The following FANCD2 variants were observed in gnomAD, a reference collection of about 807,000 sequenced individuals.
The protein encoded by FANCD2 is Fanconi anemia group D2 protein.
In FANCD2, 131 loss-of-function variants were observed where a neutral mutation model predicts 192.3. The ratio of observed to expected loss-of-function variants is 0.68; its 90% confidence interval spans 0.59 to 0.79. The LOEUF is 0.79. FANCD2 is among the 30% of genes least tolerant of loss of function. The probability of loss-of-function intolerance (pLI) is 0.00; values close to 1 mark genes in which losing one functional copy is unlikely to be tolerated. For synonymous variants in FANCD2, 524 were observed against 612.5 expected, an observed-to-expected ratio of 0.86 and a Z score of 2.13; for missense variants, 1,508 against 1,701.6, an observed-to-expected ratio of 0.89 and a Z score of 2.00.
At chr3:10,051,413 AGGAGTG>A (rs1296041465) in intron 17 of FANCD2, among the ~76,000 whole-genome samples, 2 of 36,358 alleles carry the variant, frequency 5.5e-5, no homozygotes, top group African/African-American at 3.7e-4. Flanking sequence ...AAAAACAAAA[AGGAGTG>A]AGGGATTTAT....
rs1202902229 is a variant in FANCD2 at position 10,043,498 on chromosome 3, A to G, written c.1004A>G (p.Gln335Arg). Residue 335 changes from glutamine (Q) to arginine (R), a missense_variant, in exon 13 of 44, where the codon CAA becomes CGA. This residue lies in a region of FANCD2 where 435 missense variants were observed against 421.9 expected (regional missense o/e 1.03). Coordinates refer to ENST00000675286, the MANE Select transcript of FANCD2 (RefSeq NM_001018115.3). ...GCTACTTGTAGTTCCTCAGGAAATC[A>G]AGAAAGCAGCGGTCAGAGCTGTATT... The part of the protein sequence containing the change: ...SKGRASSSGN[Q>R]ESSGQSCIIL... 1 of 1,613,574 alleles carries G rather than the reference A, an allele frequency of 6.2e-7. No individual in the cohort carries two copies. Among genetic ancestry groups the G allele is most frequent in the African/African-American group, 1.3e-5 (1 of 74,918 alleles).
At chr3:10,082,980 A>G (rs959848329) in intron 32 of FANCD2, among the ~76,000 whole-genome samples, 5 of 152,140 alleles carry the variant, frequency 3.3e-5, no homozygotes, top group African/African-American at 9.7e-5. Flanking sequence ...TAATCCCAAC[A>G]CTTTGGGAGG....
At chr3:10,050,413 A>T (rs530364306) in intron 17 of FANCD2, among the ~76,000 whole-genome samples, 11 of 151,056 alleles carry the variant, frequency 7.3e-5, no homozygotes, top group Non-Finnish European at 1.0e-4. Flanking sequence ...TCACGAGGTC[A>T]GGAGATCAAG....
chr3:10,046,122 C>T (rs1412744579), intron 14 of FANCD2, among the ~76,000 whole-genome samples: 8 of 145,272 alleles, frequency 5.5e-5, no homozygotes, highest in African/African-American at 8.0e-5. Flanking sequence ...GGCGCGATCT[C>T]GGCTCACTGT....
rs768907834 is a variant in FANCD2 at position 10,073,319 on chromosome 3, C to G, written c.2672C>G (p.Ser891Ter). The change falls in exon 28 of 44, where the codon TCA becomes TGA. Residue 891 changes from serine (S) to a stop codon, truncating the protein, a stop_gained. Transcript: ENST00000675286. LOFTEE classifies it high-confidence loss of function. ...SSDTLSEEKN[S>*]ECDPTPSHRG... ...GACACACTTTCAGAAGAGAAAAATT[C>G]AGAATGTGACCCTACGCCATCTCAT... 1 of 1,613,916 alleles carries G rather than the reference C, an allele frequency of 6.2e-7. No homozygotes were observed. The highest frequency in any genetic ancestry group is 8.5e-7 in the Non-Finnish European group (1 of 1,179,852).
chr3:10,061,099 A>T (rs1395687626), intron 19 of FANCD2, among the ~76,000 whole-genome samples: 1 of 152,154 alleles, frequency 6.6e-6, no homozygotes, highest in Non-Finnish European at 1.5e-5. Context: ...ATCACCAGAC[A>T]CCTGCAAGTT....
At chr3:10,057,576 G>C (rs2087450628) in intron 18 of FANCD2, among the ~76,000 whole-genome samples, 1 of 152,016 alleles carries the variant, frequency 6.6e-6, no homozygotes, top group Admixed American at 6.6e-5. Context: ...TGTTGGCCAG[G>C]ATGATCTCAA....
At chr3:10,039,528 A>C (rs955567428) in intron 8 of FANCD2, among the ~76,000 whole-genome samples, 171 bp downstream of exon 8, 5 of 152,212 alleles carry the variant, frequency 3.3e-5, no homozygotes, top group Non-Finnish European at 7.3e-5. Flanking sequence ...TTTAAATTTC[A>C]GAAAAGTTTA....
At chr3:10,035,070 C>T in intron 5 of FANCD2, 103 bp from the exon 6 acceptor site, 1 of 950,406 alleles carries the variant, frequency 1.1e-6, no homozygotes, top group Non-Finnish European at 1.6e-6. Context: ...AGGGTAGTTC[C>T]TCTTTAAATA....
rs1489879580 is a variant in FANCD2 at position 10,072,960 on chromosome 3, A to C, written c.2584A>C (p.Ile862Leu). 2 of 1,597,066 alleles carry C rather than the reference A, an allele frequency of 1.3e-6. No homozygotes were observed. Among genetic ancestry groups the C allele is most frequent in the Admixed American group, 3.3e-5 (2 of 59,994 alleles). Reference protein sequence around the residue: ...PHTVTAISAKIRKKGKIERKQ... With the variant: ...PHTVTAISAKLRKKGKIERKQ... ...TACTGTTACTGCTATTTCAGCAAAA[A>C]TCAGAAAGAAAGGAAAAATAGGTAA... The change falls in exon 27 of 44, where the codon ATC becomes CTC. Residue 862 changes from isoleucine to leucine, a missense_variant. Coordinates refer to ENST00000675286, the MANE Select transcript of FANCD2 (RefSeq NM_001018115.3).
At chr3:10,085,698 CT>C in intron 32 of FANCD2, 113 bp from the exon 33 acceptor site, 2 of 799,458 alleles carry the variant, frequency 2.5e-6, no homozygotes, top group East Asian at 2.5e-5. Flanking sequence ...CCTCTCAATT[CT>C]TTTTTCAAAC....
intron 39 of FANCD2, 79 bp from the exon 40 acceptor site, chr3:10,094,210 C>T: frequency 9.8e-7 from 1 of 1,022,546 alleles, no homozygotes; most frequent in Non-Finnish European, 1.6e-6. Context: ...AACCCTTGGG[C>T]TGGATGAGAC....
chr3:10,083,209 AG>A (rs916675381), intron 32 of FANCD2, among the ~76,000 whole-genome samples: 8 of 152,172 alleles, frequency 5.3e-5, no homozygotes, highest in Non-Finnish European at 1.0e-4. Context: ...CCTGGGCAAC[AG>A]AACCAGACCC....
chr3:10,058,196 G>C (rs2087468495), intron 18 of FANCD2: 1 of 300,202 alleles, frequency 3.3e-6, no homozygotes, highest in South Asian at 3.8e-5. Context: ...GTGGAGATTA[G>C]GCCCACTCTT....
intron 32 of FANCD2, among the ~76,000 whole-genome samples, chr3:10,083,950 T>G (rs1056951213): frequency 1.3e-5 from 2 of 151,580 alleles, no homozygotes; most frequent in Non-Finnish European, 2.9e-5. Flanking sequence ...TTTGAGCAAT[T>G]TAGCCTGTGG....
chr3:10,042,426 T>C lies in FANCD2; in HGVS notation c.784-133T>C, dbSNP rs546107174. 34 of 747,718 alleles carry C rather than the reference T, an allele frequency of 4.5e-5. 2 individuals are homozygous for C. The South Asian group carries it at 5.2e-4, about 11-fold the overall frequency. 46.3% of individuals were successfully genotyped at this position (747,718 alleles called of 1,614,324 possible). A position where few individuals can be genotyped will look rare whatever the true frequency, so the allele number is the denominator to read the frequency against. ...TAATTTGGGGAAAAATCTAAAATTT[T>C]GTTTTTCCCTAAATTATAAGTGGGA... On this transcript the variant is annotated intron_variant, in intron 10 of 43. Coordinates refer to ENST00000675286, the MANE Select transcript of FANCD2 (RefSeq NM_001018115.3).
At chr3:10,044,795 A>G (rs1444641345) in intron 14 of FANCD2, among the ~76,000 whole-genome samples, 3 of 152,206 alleles carry the variant, frequency 2.0e-5, no homozygotes, top group Non-Finnish European at 2.9e-5. Context: ...ACTCCAACAC[A>G]CTGTTTTTGG....
intron 18 of FANCD2, among the ~76,000 whole-genome samples, chr3:10,055,618 C>T (rs2087385871): frequency 6.6e-6 from 1 of 152,018 alleles, no homozygotes; most frequent in African/African-American, 2.4e-5. Flanking sequence ...CGAGACCATC[C>T]TGGCTAACAC....
chr3:10,029,011 A>G (rs2086525455), intron 2 of FANCD2, among the ~76,000 whole-genome samples: 1 of 152,218 alleles, frequency 6.6e-6, no homozygotes, highest in African/African-American at 2.4e-5. Flanking sequence ...ACAAAGACAT[A>G]ACATAGTCTG....
Sources: gnomAD v4.1 joint callset for allele counts (sites outside exome capture counted in the v4.1 genomes callset) on GRCh38, gnomAD v4.1.1 for gene constraint, gnomAD v4.1.1 regional missense constraint, MANE v1.5 for transcripts, NCBI Gene and HGNC (gene_info 2026-07-23, HGNC 2026-07-21) for gene names.